RAD51B: variants seen among roughly 807,000 people sequenced by gnomAD.
RAD51B encodes DNA repair protein RAD51 homolog 2.
RAD51B carries 38 observed loss-of-function variants against 42.2 expected under a neutral mutation model. That is an observed-to-expected ratio of 0.90 (90% CI 0.70 to 1.18). The LOEUF is 1.18. Ranked by LOEUF, RAD51B falls within the 50% of genes most tolerant of loss-of-function variation. The pLI, the probability that RAD51B is intolerant of heterozygous loss-of-function variation, is 0.00. For synonymous variants in RAD51B, 154 were observed against 145.2 expected (o/e 1.06, Z -0.43); for missense variants, 373 against 400.7 (o/e 0.93, Z 0.59).
chr14:68,406,944 C>T (rs114617215), intron 8 of RAD51B, among the ~76,000 whole-genome samples: 1,666 of 152,198 alleles, frequency 0.011, 34 homozygotes, highest in African/African-American at 0.037. Flanking sequence ...GTCTTCCACC[C>T]GCCCATCTTG....
intron 7 of RAD51B, among the ~76,000 whole-genome samples, chr14:67,967,065 C>T (rs749512274): frequency 5.3e-5 from 8 of 151,860 alleles, no homozygotes; most frequent in South Asian, 2.1e-4. Flanking sequence ...TGGTGGGAGG[C>T]GAAAGGCACT....
chr14:68,514,913 C>T (rs1476846135), intron 10 of RAD51B, among the ~76,000 whole-genome samples: 1 of 152,152 alleles, frequency 6.6e-6, no homozygotes, highest in African/African-American at 2.4e-5. Context: ...TCAAACACGA[C>T]ATTCTTGCAC....
At chr14:68,446,214 T>G (rs1309414156) in intron 9 of RAD51B, among the ~76,000 whole-genome samples, 2 of 152,212 alleles carry the variant, frequency 1.3e-5, no homozygotes, top group Non-Finnish European at 2.9e-5. Context: ...ATTACTACCC[T>G]GAATTTACAG....
intron 8 of RAD51B, among the ~76,000 whole-genome samples, chr14:68,333,763 C>T (rs2082393587): frequency 6.6e-6 from 1 of 152,190 alleles, no homozygotes; most frequent in African/African-American, 2.4e-5. Context: ...GTATTGATCA[C>T]ATAGTTACCA....
chr14:68,299,344 A>T (rs904059258), intron 8 of RAD51B, among the ~76,000 whole-genome samples: 6 of 152,156 alleles, frequency 3.9e-5, no homozygotes. Flanking sequence ...ACCAACCATG[A>T]ATCAAAAAAT....
At chr14:68,384,755 C>T (rs756597382) in intron 8 of RAD51B, among the ~76,000 whole-genome samples, 19 of 152,172 alleles carry the variant, frequency 1.2e-4, no homozygotes, top group African/African-American at 1.9e-4. Context: ...TTTAAGCAAT[C>T]GTTATATGGA....
chr14:68,051,874 ATGTGTG>A (rs72459876), intron 7 of RAD51B, among the ~76,000 whole-genome samples: 5 of 148,746 alleles, frequency 3.4e-5, no homozygotes, highest in East Asian at 2.0e-4. Context: ...CCTCCCACAT[ATGTGTG>A]TGTGTGTGTG....
intron 8 of RAD51B, among the ~76,000 whole-genome samples, chr14:68,344,190 G>A (rs571074589): frequency 6.6e-6 from 1 of 152,342 alleles, no homozygotes; most frequent in South Asian, 2.1e-4. Flanking sequence ...GCCATGGGCA[G>A]CTTGTATCCT....
intron 10 of RAD51B, among the ~76,000 whole-genome samples, chr14:68,560,781 C>G (rs868490912): frequency 1.3e-5 from 2 of 151,942 alleles, no homozygotes; most frequent in East Asian, 3.9e-4. Flanking sequence ...GGCCTCCCCC[C>G]GCCCCACACA....
rs977753361 is a variant in RAD51B, at chr14:68,640,991, G to A, written c.1037-9790G>A. ...TGAAACGTTATCCATTGTGTTAATG[G>A]TCTTTACCCTGTGGGCAACGAGGAG... On this transcript the variant is annotated intron_variant, in intron 10 of 11. Transcript: ENST00000488612. 2.0e-5 allele frequency among the ~76,000 whole-genome samples: 3 copies of A among 152,308 alleles called. 1 individual carries two copies. The South Asian group carries it at 6.2e-4, about 32-fold the overall frequency.
intron 10 of RAD51B, among the ~76,000 whole-genome samples, chr14:68,648,073 ACACGTATATATACGTGTGTG>A (rs2140135829): frequency 1.7e-5 from 2 of 114,916 alleles, no homozygotes; most frequent in East Asian, 4.9e-4. Context: ...ATATATATAT[ACACGTATATATACGTGTGTG>A]TATATATATA....
chr14:68,319,043 A>G (rs1481253105), intron 8 of RAD51B, among the ~76,000 whole-genome samples: 1 of 152,178 alleles, frequency 6.6e-6, no homozygotes, highest in Non-Finnish European at 1.5e-5. Flanking sequence ...GCTTTAAAAA[A>G]ACCTCTCTGT....
At chr14:68,648,113 G>GTATATATATATACACACACGTA (rs1274715302) in intron 10 of RAD51B, among the ~76,000 whole-genome samples, 2 of 60,098 alleles carry the variant, frequency 3.3e-5, no homozygotes, top group African/African-American at 1.1e-4. Context: ...ATACACACAC[G>GTATATATATATACACACACGTA]TATATATATA....
intron 8 of RAD51B, among the ~76,000 whole-genome samples, chr14:68,314,903 C>T (rs1266598447): frequency 6.6e-6 from 1 of 152,224 alleles, no homozygotes; most frequent in African/African-American, 2.4e-5. Flanking sequence ...GAAACGGCAG[C>T]TAGTGACACT....
At chr14:68,594,347 G>A (rs141946365) in intron 10 of RAD51B, 439 of 740,624 alleles carry the variant, frequency 5.9e-4, no homozygotes, top group Non-Finnish European at 6.8e-4. Context: ...CATGTCTACC[G>A]TTATGTACAT....
chr14:68,025,161 T>C (rs982867759), intron 7 of RAD51B, among the ~76,000 whole-genome samples: 1 of 152,212 alleles, frequency 6.6e-6, no homozygotes, highest in East Asian at 1.9e-4. Context: ...GATTTGCATA[T>C]GTTGAGCTAG....
chr14:68,595,820 T>C (rs1249175169), exon 11 of RAD51B: 1 of 301,426 alleles, frequency 3.3e-6, no homozygotes, highest in Non-Finnish European at 5.5e-6. Context: ...GCAATATGCA[T>C]ACAATGTAGT....
intron 7 of RAD51B, among the ~76,000 whole-genome samples, chr14:68,106,296 G>A (rs2140567461): frequency 6.6e-6 from 1 of 151,130 alleles, no homozygotes; most frequent in South Asian, 2.1e-4. Context: ...TTAAAAAAAT[G>A]AACTTAAGGA....
intron 7 of RAD51B, among the ~76,000 whole-genome samples, chr14:68,163,875 A>G (rs1411830709): frequency 6.6e-6 from 1 of 152,198 alleles, no homozygotes; most frequent in Non-Finnish European, 1.5e-5. Context: ...CCTTTGTCAC[A>G]TTAGGAAGGA....
Sources: gnomAD v4.1 joint callset for allele counts (sites outside exome capture counted in the v4.1 genomes callset) on GRCh38, gnomAD v4.1.1 for gene constraint, MANE v1.5 for transcripts, NCBI Gene and HGNC (gene_info 2026-07-23, HGNC 2026-07-21) for gene names.